HOXD12: variants seen among roughly 807,000 people sequenced by gnomAD.
The protein encoded by HOXD12 is homeobox D12.
A neutral mutation model predicts 20.2 loss-of-function variants in HOXD12; 21 were observed. The observed-to-expected ratio is 1.04, with a 90% CI of 0.74 to 1.50. The LOEUF is 1.50. HOXD12 is among the 40% of genes most tolerant of loss of function. The pLI is 0.00. For synonymous variants in HOXD12, 196 were observed against 168.8 expected (o/e 1.16, Z -1.25); for missense variants, 472 against 365.5 (o/e 1.29, Z -2.38).
Position 176,101,880 on chromosome 2 carries a change from C to G in HOXD12, c.*1120C>G, listed in dbSNP as rs537099670. Among the ~76,000 whole-genome samples the G allele has an allele frequency of 2.0e-5, 3 of 152,332 alleles. No homozygotes were observed. The South Asian group carries it at 6.2e-4, about 32-fold the overall frequency. On this transcript the variant is annotated 3_prime_UTR_variant, in exon 2 of 2. Transcript: ENST00000406506. ...AGGAAGTCTCTTAGATTCTCTGCCCCGCTAGCTGCTCTTGACAAAGCAAAG... is the reference window on the plus strand; with the variant it reads ...AGGAAGTCTCTTAGATTCTCTGCCCGGCTAGCTGCTCTTGACAAAGCAAAG...
Position 176,100,551 on chromosome 2 carries a change from G to C in HOXD12, c.604G>C (p.Ala202Pro), listed in dbSNP as rs1172817097. ...GCCGTGGGGGGCGGCCCCGGGGAGG[G>C]CCCGCAAGAAGCGGAAACCCTACAC... ...GLPWGAAPGR[A>P]RKKRKPYTKQ... Residue 202 changes from alanine (A) to proline (P), a missense_variant, in exon 2 of 2, where the codon GCC becomes CCC. Physicochemically the swap from Ala to Pro is conservative, Grantham distance 27. Coordinates refer to ENST00000406506, the MANE Select transcript of HOXD12 (RefSeq NM_021193.4). 2 of 1,609,624 alleles carry C rather than the reference G, an allele frequency of 1.2e-6. No individual in the cohort carries two copies. The highest frequency in any genetic ancestry group is 1.7e-6 in the Non-Finnish European group (2 of 1,178,020).
Position 176,099,840 on chromosome 2 carries a change from C to T in HOXD12, c.39C>T (p.Gly13=), listed in dbSNP as rs1204911419. 2 of 1,551,844 alleles carry T rather than the reference C, an allele frequency of 1.3e-6. No individual in the cohort carries two copies. The highest frequency in any genetic ancestry group is 1.2e-5 in the South Asian group (1 of 80,844). ...ERSLYRAGYV[G]SLLNLQSPDS... Reference sequence around the variant, plus strand: ...GTCTCTACAGAGCGGGCTATGTGGGCTCGCTTCTGAATCTGCAGTCGCCAG... The same window carrying T: ...GTCTCTACAGAGCGGGCTATGTGGGTTCGCTTCTGAATCTGCAGTCGCCAG... Residue 13 remains glycine, a synonymous_variant, in exon 1 of 2, where the codon GGC becomes GGT. Transcript: ENST00000406506.
rs1255038370 is a variant in HOXD12 at position 176,100,029 on chromosome 2, C to A, written c.228C>A (p.Tyr76Ter). 1.3e-6 allele frequency: 2 copies of A among 1,569,762 alleles called. No individual in the cohort carries two copies. Among genetic ancestry groups the A allele is most frequent in the East Asian group, 2.4e-5 (1 of 42,408 alleles). ...ATAFGGFSQP[Y>*]LAGSGPLGLQ... The stretch of plus-strand genomic sequence containing the variant: ...CCTTCGGCGGCTTCTCGCAGCCCTA[C>A]CTGGCTGGCTCCGGGCCTCTCGGCC... The change falls in exon 1 of 2, where the codon TAC (tyrosine) becomes TAA (stop). Residue 76 changes from tyrosine to a stop codon, truncating the protein, a stop_gained. Transcript: ENST00000406506. LOFTEE classifies it high-confidence loss of function.
At position 176,100,660 on chromosome 2, in the gene HOXD12, G is replaced by T. The variant is rs200542466; in HGVS notation, c.713G>T (p.Arg238Met). 30 of 1,613,856 alleles carry T rather than the reference G, an allele frequency of 1.9e-5. No homozygotes were observed. The highest frequency in any genetic ancestry group is 4.0e-5 in the African/African-American group (3 of 74,952). Residue 238 changes from arginine to methionine, a missense_variant, in exon 2 of 2, where the codon AGG becomes ATG. By Grantham distance (91) the Arg-to-Met change is moderately conservative (BLOSUM62 -1). Coordinates refer to ENST00000406506, the MANE Select transcript of HOXD12 (RefSeq NM_021193.4). ...CAGAAACGCAAGGAATTGTCCAATAGGCTGAACCTCAGCGACCAGCAAGTC... is the reference window on the plus strand; with the variant it reads ...CAGAAACGCAAGGAATTGTCCAATATGCTGAACCTCAGCGACCAGCAAGTC... ...NRQKRKELSN[R>M]LNLSDQQVKI...
Position 176,100,526 on chromosome 2 carries a change from G to T in HOXD12, c.579G>T (p.Leu193=), listed in dbSNP as rs757560787. 7 of 1,601,272 alleles carry T rather than the reference G, an allele frequency of 4.4e-6. No homozygotes were observed. In the Admixed American group the frequency reaches 8.7e-5, roughly 20 times the overall value. The change falls in exon 2 of 2, where the codon CTG becomes CTT. Residue 193 remains leucine (L), a synonymous_variant. Transcript: ENST00000406506. The stretch of plus-strand genomic sequence containing the variant: ...TGGGTTGGGGCTGTGTTGCAGGCCT[G>T]CCGTGGGGGGCGGCCCCGGGGAGGG... ...SCLRPSLPDG[L]PWGAAPGRAR... is the part of the protein sequence containing the mutation.
rs1476962154 is a variant in HOXD12 at position 176,101,658 on chromosome 2, T to G, written c.*898T>G. On this transcript the variant is annotated 3_prime_UTR_variant, in exon 2 of 2. Transcript: ENST00000406506. ...CTGTTGGTCTGCTTTGAAGCTCTGTTGCACAGGGAGAGGGAAAAATATCCA... is the reference window on the plus strand; with the variant it reads ...CTGTTGGTCTGCTTTGAAGCTCTGTGGCACAGGGAGAGGGAAAAATATCCA... Among the ~76,000 whole-genome samples, 1 of 152,140 alleles carries G rather than the reference T, an allele frequency of 6.6e-6. No individual in the cohort carries two copies. The highest frequency in any genetic ancestry group is 1.5e-5 in the Non-Finnish European group (1 of 68,018).
rs1689469251 is a variant in HOXD12, at chr2:176,100,141, C to G, written c.340C>G (p.Arg114Gly). Residue 114 changes from arginine to glycine, a missense_variant, in exon 1 of 2, where the codon CGT becomes GGT. Arg to Gly is a moderately radical substitution (Grantham distance 125). Transcript: ENST00000406506. ...GGCCGCTGGGCCAGAGGAGCGCGGT[C>G]GTACCCGGCCGTCCTTCGCCCCCGA... is the stretch of plus-strand genomic sequence containing the variant. ...EAAAGPEERG[R>G]TRPSFAPESS... is the part of the protein sequence containing the mutation. The G allele has an allele frequency of 6.2e-7, 1 of 1,611,126 alleles. No homozygotes were observed. The highest frequency in any genetic ancestry group is 2.2e-5 in the East Asian group (1 of 44,864).
rs1304927779 is a variant in HOXD12 at position 176,100,947 on chromosome 2, C to A, written c.*187C>A. On this transcript the variant is annotated 3_prime_UTR_variant, in exon 2 of 2. Transcript: ENST00000406506. ...TGCTTTCCTCAGTCCCTGAGAAGCCCGTGAGAAACGTGCGGAAGTACCAGT... is the reference window on the plus strand; with the variant it reads ...TGCTTTCCTCAGTCCCTGAGAAGCCAGTGAGAAACGTGCGGAAGTACCAGT... 1.7e-5 allele frequency: 10 copies of A among 603,444 alleles called. No individual in the cohort carries two copies. The highest frequency in any genetic ancestry group is 2.9e-5 in the Non-Finnish European group (10 of 340,218). The allele number at this position is 603,444 out of a possible 1,614,324, so 37.4% of individuals were successfully genotyped here.
Position 176,099,839 on chromosome 2 carries a change from G to A in HOXD12, c.38G>A (p.Gly13Asp). Residue 13 changes from glycine (G) to aspartate (D), a missense_variant, in exon 1 of 2, where the codon GGC (glycine) becomes GAC (aspartate). Transcript: ENST00000406506. Reference protein sequence around the residue: ...ERSLYRAGYVGSLLNLQSPDS... With the variant: ...ERSLYRAGYVDSLLNLQSPDS... ...AGTCTCTACAGAGCGGGCTATGTGGGCTCGCTTCTGAATCTGCAGTCGCCA... is the reference window on the plus strand; with the variant it reads ...AGTCTCTACAGAGCGGGCTATGTGGACTCGCTTCTGAATCTGCAGTCGCCA... 1.3e-6 allele frequency: 2 copies of A among 1,551,032 alleles called. No homozygotes were observed.
rs1055602745 is a variant in HOXD12 at position 176,101,694 on chromosome 2, A to AG, written c.*937dup. ...AGGGAAAAATATCCAGGGGAGGAGA[A>AG]GGGAGTGAATAAGAGGAGGAGGGGT... On this transcript the variant is annotated 3_prime_UTR_variant, in exon 2 of 2. Transcript: ENST00000406506. 2.4e-4 allele frequency among the ~76,000 whole-genome samples: 36 copies of AG among 152,312 alleles called. No homozygotes were observed. Among genetic ancestry groups the AG allele is most frequent in the African/African-American group, 8.2e-4 (34 of 41,572 alleles).
chr2:176,100,856 C>G lies in HOXD12; in HGVS notation c.*96C>G. The G allele has an allele frequency of 1.2e-6, 1 of 829,556 alleles. No homozygotes were observed. Among genetic ancestry groups the G allele is most frequent in the East Asian group, 2.7e-5 (1 of 37,624 alleles). The allele number at this position is 829,556 out of a possible 1,614,324, so 51.4% of individuals were successfully genotyped here. On this transcript the variant is annotated 3_prime_UTR_variant, in exon 2 of 2. Transcript: ENST00000406506. ...GGGGCTAAGGCTAAGGCTTTTCCTTCGGTTCCTTCTCTGCTGGCCCCAGAA... is the reference window on the plus strand; with the variant it reads ...GGGGCTAAGGCTAAGGCTTTTCCTTGGGTTCCTTCTCTGCTGGCCCCAGAA...
rs760823323 is a variant in HOXD12, at chr2:176,099,860, C to A, written c.59C>A (p.Ser20Ter). 1.3e-6 allele frequency: 2 copies of A among 1,580,694 alleles called. No homozygotes were observed. The highest frequency in any genetic ancestry group is 2.4e-5 in the East Asian group (1 of 42,260). The change falls in exon 1 of 2, where the codon TCG becomes TAG. Residue 20 changes from serine (S) to a stop codon, truncating the protein, a stop_gained. Transcript: ENST00000406506. LOFTEE classifies it high-confidence loss of function. ...GYVGSLLNLQ[S>*]PDSFYFSNLR... is the part of the protein sequence containing the mutation. ...GTGGGCTCGCTTCTGAATCTGCAGT[C>A]GCCAGACTCTTTCTACTTCTCCAAC...
rs1198055791 is a variant in HOXD12 at position 176,101,547 on chromosome 2, CCCTACTCCCA to C, written c.*791_*800del. ...CTCCAGACAAGACTGGCAAACATTGCCCTACTCCCACCTTCTCAAACATGCCTAGGCCAGG... is the reference window on the plus strand; with the variant it reads ...CTCCAGACAAGACTGGCAAACATTGCCCTTCTCAAACATGCCTAGGCCAGG... On this transcript the variant is annotated 3_prime_UTR_variant, in exon 2 of 2. Transcript: ENST00000406506. Among the ~76,000 whole-genome samples, 1 of 152,160 alleles carries C rather than the reference CCCTACTCCCA, an allele frequency of 6.6e-6. No homozygotes were observed. Among genetic ancestry groups the C allele is most frequent in the East Asian group, 1.9e-4 (1 of 5,190 alleles).
rs1221775123 is a variant in HOXD12, at chr2:176,099,923, C to T, written c.122C>T (p.Pro41Leu). Residue 41 changes from proline to leucine, a missense_variant, in exon 1 of 2, where the codon CCT becomes CTT. Pro to Leu is a moderately conservative substitution (Grantham distance 98). Coordinates refer to ENST00000406506, the MANE Select transcript of HOXD12 (RefSeq NM_021193.4). ...GGCGGCCAGTTGGCCGCGCTTCCCCCTATCTCCTACCCGCGCGGCGCGCTG... is the reference window on the plus strand; with the variant it reads ...GGCGGCCAGTTGGCCGCGCTTCCCCTTATCTCCTACCCGCGCGGCGCGCTG... ...PNGGQLAALP[P>L]ISYPRGALPW... 2.5e-6 allele frequency: 4 copies of T among 1,595,084 alleles called. No homozygotes were observed. The highest frequency in any genetic ancestry group is 1.4e-5 in the African/African-American group (1 of 72,372).
Position 176,100,801 on chromosome 2 carries a change from G to T in HOXD12, c.*41G>T. 7.3e-7 allele frequency: 1 copy of T among 1,361,504 alleles called. No individual in the cohort carries two copies. Among genetic ancestry groups the T allele is most frequent in the Non-Finnish European group, 1.0e-6 (1 of 958,960 alleles). The allele number at this position is 1,361,504 out of a possible 1,614,324, so 84.3% of individuals were successfully genotyped here. On this transcript the variant is annotated 3_prime_UTR_variant, in exon 2 of 2. Transcript: ENST00000406506. ...GGGCCGGGTTGGATCTGCCCTTTTG[G>T]ACAGAGGCCTTGTTTGGGGAGGGGG...
rs1362735312 is a variant in HOXD12, at chr2:176,099,940, G to A, written c.139G>A (p.Gly47Ser). Residue 47 changes from glycine (G) to serine (S), a missense_variant, in exon 1 of 2, where the codon GGC becomes AGC. By Grantham distance (56) the Gly-to-Ser change is moderately conservative. Transcript: ENST00000406506. ...AALPPISYPR[G>S]ALPWAATPAS... is the part of the protein sequence containing the mutation. ...GCTTCCCCCTATCTCCTACCCGCGC[G>A]GCGCGCTGCCCTGGGCCGCCACGCC... 3 of 1,592,170 alleles carry A rather than the reference G, an allele frequency of 1.9e-6. No individual in the cohort carries two copies. The highest frequency in any genetic ancestry group is 1.1e-5 in the South Asian group (1 of 88,546).
rs2105384325 is a variant in HOXD12, at chr2:176,102,257, A to G, written c.*1497A>G. On this transcript the variant is annotated 3_prime_UTR_variant, in exon 2 of 2. Coordinates refer to ENST00000406506, the MANE Select transcript of HOXD12 (RefSeq NM_021193.4). Reference sequence around the variant, plus strand: ...CAGGATTCCTTCCCAAAGTCCAGTGATTTCTTTTCAGTGCAGGACCTGGCC... The same window carrying G: ...CAGGATTCCTTCCCAAAGTCCAGTGGTTTCTTTTCAGTGCAGGACCTGGCC... Among the ~76,000 whole-genome samples the G allele has an allele frequency of 1.3e-5, 2 of 152,294 alleles. No homozygotes were observed. Among genetic ancestry groups the G allele is most frequent in the South Asian group, 4.1e-4 (2 of 4,824 alleles).
At position 176,101,604 on chromosome 2, in the gene HOXD12, T is replaced by A. The variant is rs932028266; in HGVS notation, c.*844T>A. Among the ~76,000 whole-genome samples, 1 of 152,052 alleles carries A rather than the reference T, an allele frequency of 6.6e-6. No individual in the cohort carries two copies. Among genetic ancestry groups the A allele is most frequent in the Non-Finnish European group, 1.5e-5 (1 of 68,016 alleles). On this transcript the variant is annotated 3_prime_UTR_variant, in exon 2 of 2. Transcript: ENST00000406506. ...CAGGCCTATGAACCCTGTAACTGGATCCCCAGAGGCTAGCTCTGGTGAAAG... is the reference window on the plus strand; with the variant it reads ...CAGGCCTATGAACCCTGTAACTGGAACCCCAGAGGCTAGCTCTGGTGAAAG...
rs547542205 is a variant in HOXD12 at position 176,102,196 on chromosome 2, G to A, written c.*1436G>A. ...TTCTGACATGTAGCACTCCTCCTTC[G>A]CAATTCCTAGCATGATGCACAACAA... On this transcript the variant is annotated 3_prime_UTR_variant, in exon 2 of 2. Transcript: ENST00000406506. 2.5e-4 allele frequency among the ~76,000 whole-genome samples: 38 copies of A among 152,174 alleles called. No homozygotes were observed. The highest frequency in any genetic ancestry group is 7.2e-4 in the African/African-American group (30 of 41,504).
Sources: gnomAD v4.1 joint callset for allele counts (sites outside exome capture counted in the v4.1 genomes callset) on GRCh38, gnomAD v4.1.1 for gene constraint, MANE v1.5 for transcripts, NCBI Gene and HGNC (gene_info 2026-07-23, HGNC 2026-07-21) for gene names.